ZNF804A: variants seen among roughly 807,000 people sequenced by gnomAD.
The protein encoded by ZNF804A is zinc finger protein 804A.
ZNF804A carries 2 observed loss-of-function variants against 16.5 expected under a neutral mutation model. The ratio of observed to expected loss-of-function variants is 0.12; its 90% confidence interval spans 0.05 to 0.38. The LOEUF (loss-of-function observed/expected upper bound fraction) is 0.38. Ranked by LOEUF, ZNF804A falls within the 10% of genes least tolerant of loss-of-function variation. The pLI is 0.99. For missense variants in ZNF804A, 1,473 were observed against 1,390.7 expected, an observed-to-expected ratio of 1.06 and a Z score of -0.94; for synonymous variants, 534 against 489.6, an observed-to-expected ratio of 1.09 and a Z score of -1.20.
At chr2:184,776,422 T>TA (rs1226868801) in intron 1 of ZNF804A, among the ~76,000 whole-genome samples, 1 of 151,570 alleles carries the variant, frequency 6.6e-6, no homozygotes, top group Non-Finnish European at 1.5e-5. Flanking sequence ...TTGTCATTAT[T>TA]GAGTGATTAG....
chr2:184,649,547 G>A (rs1422018424), intron 1 of ZNF804A, among the ~76,000 whole-genome samples: 1 of 151,838 alleles, frequency 6.6e-6, no homozygotes, highest in East Asian at 1.9e-4. Flanking sequence ...GAAAGAAACA[G>A]AGAAGATCCA....
At chr2:184,664,912 GA>G (rs1207295427) in intron 1 of ZNF804A, among the ~76,000 whole-genome samples, 1 of 152,018 alleles carries the variant, frequency 6.6e-6, no homozygotes, top group African/African-American at 2.4e-5. Flanking sequence ...TTTCTGAATG[GA>G]AATACTTTAG....
chr2:184,791,074 G>T (rs181833591), intron 1 of ZNF804A, among the ~76,000 whole-genome samples: 1 of 152,200 alleles, frequency 6.6e-6, no homozygotes, highest in African/African-American at 2.4e-5. Context: ...TCTTTAGCCA[G>T]TAGGTGGGTC....
At chr2:184,723,663 AG>A (rs1693358929) in intron 1 of ZNF804A, among the ~76,000 whole-genome samples, 1 of 151,682 alleles carries the variant, frequency 6.6e-6, no homozygotes, top group South Asian at 2.1e-4. Context: ...ATTTCAGTTA[AG>A]TATTGGCTTA....
chr2:184,837,078 C>T (rs545374543), intron 1 of ZNF804A, among the ~76,000 whole-genome samples: 7 of 152,004 alleles, frequency 4.6e-5, no homozygotes, highest in Middle Eastern at 3.2e-3. Context: ...TCTTCAGAAG[C>T]CTTCCTTGAC....
chr2:184,807,633 A>T lies in ZNF804A; in HGVS notation c.112-58736A>T, dbSNP rs929365137. Among the ~76,000 whole-genome samples, 9 of 151,944 alleles carry T rather than the reference A, an allele frequency of 5.9e-5. No individual in the cohort carries two copies. In the East Asian group the frequency reaches 1.7e-3, roughly 29 times the overall value. On this transcript the variant is annotated intron_variant, in intron 1 of 3. Coordinates refer to ENST00000302277, the MANE Select transcript of ZNF804A (RefSeq NM_194250.2). ...TAAAAAATGCAAGAAAGCAAATTTG[A>T]CCTTGAATAATATAACTACTTTTTG...
At chr2:184,902,671 A>T (rs1400992886) in intron 2 of ZNF804A, 1 of 151,960 alleles carries the variant, frequency 6.6e-6, no homozygotes, top group Non-Finnish European at 1.5e-5. Flanking sequence ...TTTAAAGAGT[A>T]TTTCTGGTCT....
At chr2:184,900,362 C>A (rs569365714) in intron 2 of ZNF804A, among the ~76,000 whole-genome samples, 1 of 152,166 alleles carries the variant, frequency 6.6e-6, no homozygotes, top group East Asian at 1.9e-4. Context: ...ATATAAATCC[C>A]TGAATTTAAA....
chr2:184,652,294 G>A (rs1340044196), intron 1 of ZNF804A, among the ~76,000 whole-genome samples: 1 of 152,062 alleles, frequency 6.6e-6, no homozygotes, highest in Non-Finnish European at 1.5e-5. Flanking sequence ...TAGAGGGGAA[G>A]AAAGGAAGGG....
chr2:184,766,590 A>G (rs1253434170), intron 1 of ZNF804A, among the ~76,000 whole-genome samples: 3 of 151,674 alleles, frequency 2.0e-5, no homozygotes, highest in African/African-American at 7.2e-5. Context: ...ACTGTGCGAT[A>G]TGACTGTCTT....
At chr2:184,794,168 A>G (rs1018567242) in intron 1 of ZNF804A, among the ~76,000 whole-genome samples, 1 of 152,160 alleles carries the variant, frequency 6.6e-6, no homozygotes, top group Non-Finnish European at 1.5e-5. Flanking sequence ...TAGCGGTTGT[A>G]CTAGTTTCCA....
intron 1 of ZNF804A, among the ~76,000 whole-genome samples, chr2:184,794,453 A>G (rs1694599811): frequency 6.6e-6 from 1 of 151,914 alleles, no homozygotes; most frequent in Non-Finnish European, 1.5e-5. Flanking sequence ...GTTTGAGTTC[A>G]TTGTAGATTC....
intron 1 of ZNF804A, among the ~76,000 whole-genome samples, chr2:184,777,766 T>A (rs1010513074): frequency 1.3e-5 from 2 of 151,754 alleles, no homozygotes; most frequent in South Asian, 4.1e-4. Flanking sequence ...ATGTGTTTAG[T>A]GGGTTGTTTG....
intron 2 of ZNF804A, among the ~76,000 whole-genome samples, chr2:184,912,351 T>C (rs553550282): frequency 1.3e-5 from 2 of 152,170 alleles, no homozygotes; most frequent in East Asian, 1.9e-4. Flanking sequence ...CCATTTATTA[T>C]TGATTGGAAC....
chr2:184,738,884 A>G (rs1433915476), intron 1 of ZNF804A, among the ~76,000 whole-genome samples: 1 of 152,230 alleles, frequency 6.6e-6, no homozygotes, highest in Non-Finnish European at 1.5e-5. Flanking sequence ...ACACTTCTAC[A>G]GACAGCAAAG....
chr2:184,628,743 C>T (rs1271105796), intron 1 of ZNF804A, among the ~76,000 whole-genome samples: 2 of 151,874 alleles, frequency 1.3e-5, no homozygotes, highest in Non-Finnish European at 2.9e-5. Flanking sequence ...GGTACATGCC[C>T]ATGAGTTTCT....
At chr2:184,763,568 A>T (rs1399540299) in intron 1 of ZNF804A, among the ~76,000 whole-genome samples, 1 of 147,890 alleles carries the variant, frequency 6.8e-6, no homozygotes, top group Admixed American at 6.8e-5. Context: ...ATTTCTCTGA[A>T]TATCTGGTAT....
chr2:184,906,998 A>G (rs1267203106), intron 2 of ZNF804A, among the ~76,000 whole-genome samples: 4 of 152,160 alleles, frequency 2.6e-5, no homozygotes, highest in Non-Finnish European at 5.9e-5. Flanking sequence ...CAACAAGAAA[A>G]CAGGTATCTC....
chr2:184,782,016 T>C (rs1694378677), intron 1 of ZNF804A, among the ~76,000 whole-genome samples: 2 of 151,818 alleles, frequency 1.3e-5, no homozygotes, highest in Non-Finnish European at 2.9e-5. Context: ...TCCCTCTGTA[T>C]GTATCTGTGT....
Sources: allele counts gnomAD v4.1 joint callset (sites outside exome capture counted in the v4.1 genomes callset), GRCh38; gene constraint gnomAD v4.1.1; transcripts MANE v1.5; gene names NCBI Gene and HGNC (gene_info 2026-07-23, HGNC 2026-07-21).